PCDHA4: variants seen among roughly 807,000 people sequenced by gnomAD.
The protein encoded by PCDHA4 is protocadherin alpha-4.
A neutral mutation model predicts 61.4 loss-of-function variants in PCDHA4; 49 were observed. The observed-to-expected ratio is 0.80, with a 90% CI of 0.63 to 1.01. The LOEUF (loss-of-function observed/expected upper bound fraction) is 1.01. Among genes scored for constraint, PCDHA4 ranks in the 50% least tolerant of loss-of-function variants. The pLI, the probability that PCDHA4 is intolerant of heterozygous loss-of-function variation, is 0.00. For synonymous variants in PCDHA4, 590 were observed against 550.3 expected (o/e 1.07, Z -1.01); for missense variants, 1,254 against 1,235.8 (o/e 1.01, Z -0.22).
Position 140,931,003 on chromosome 5 carries a change from A to G in PCDHA4, c.2386-47946A>G, listed in dbSNP as rs2087240942. On this transcript the variant is annotated intron_variant, in intron 1 of 3. Coordinates refer to ENST00000530339, the MANE Select transcript of PCDHA4 (RefSeq NM_018907.4). The stretch of plus-strand genomic sequence containing the variant: ...CTTCCTCATGACCTACACTAATAAC[A>G]TAACAGAGGAATTTTCTGATTGTAG... Among the ~76,000 whole-genome samples the G allele has an allele frequency of 2.0e-5, 3 of 152,232 alleles. No homozygotes were observed. The South Asian group carries it at 6.2e-4, about 32-fold the overall frequency.
In PCDHA4 at chr5:140,870,824, G is replaced by A. The variant is rs1296646483; in HGVS notation, c.2385+61252G>A. On this transcript the variant is annotated intron_variant, in intron 1 of 3. Coordinates refer to ENST00000530339, the MANE Select transcript of PCDHA4 (RefSeq NM_018907.4). ...GCGACTCAGGCTGGCAGCGCGGGAG[G>A]CGCAGTTAACAAGCTAGTACCGCGG... 8.7e-6 allele frequency: 14 copies of A among 1,613,638 alleles called. No homozygotes were observed. The East Asian group carries it at 2.9e-4, about 33-fold the overall frequency.
chr5:140,957,983 AG>A (rs1554223250), intron 1 of PCDHA4, among the ~76,000 whole-genome samples: 1 of 152,154 alleles, frequency 6.6e-6, no homozygotes, highest in Non-Finnish European at 1.5e-5. Flanking sequence ...AAATAGAATC[AG>A]TGCCAGATTT....
At chr5:140,837,107 A>G (rs1774915292) in intron 1 of PCDHA4, 1 of 159,760 alleles carries the variant, frequency 6.3e-6, no homozygotes, top group Admixed American at 6.2e-5. Context: ...AATTTAATAT[A>G]TATGTTACCT....
Position 140,821,990 on chromosome 5 carries a change from A to G in PCDHA4, c.2385+12418A>G, listed in dbSNP as rs1006572765. 3.2e-5 allele frequency: 52 copies of G among 1,613,966 alleles called. No homozygotes were observed. Among genetic ancestry groups the G allele is most frequent in the Admixed American group, 3.2e-4 (19 of 59,998 alleles). Reference sequence around the variant, plus strand: ...CGGGTGGCGTCCAAGGGCCGCGGGGACCTTCTGGAGGTAAATCTGCAGAAT... The same window carrying G: ...CGGGTGGCGTCCAAGGGCCGCGGGGGCCTTCTGGAGGTAAATCTGCAGAAT... On this transcript the variant is annotated intron_variant, in intron 1 of 3. Coordinates refer to ENST00000530339, the MANE Select transcript of PCDHA4 (RefSeq NM_018907.4).
At chr5:140,877,258 G>A in intron 1 of PCDHA4, 1 of 1,613,780 alleles carries the variant, frequency 6.2e-7, no homozygotes, top group South Asian at 1.1e-5. Flanking sequence ...GAAAGTGCGC[G>A]CGGTGGACGC....
chr5:140,854,536 A>G (rs930055548), intron 1 of PCDHA4: 6 of 150,026 alleles, frequency 4.0e-5, no homozygotes, highest in African/African-American at 1.5e-4. Context: ...CATTTCTGTC[A>G]GTTTTCTTAT....
At chr5:140,966,659 G>C in intron 1 of PCDHA4, 5 of 1,217,658 alleles carry the variant, frequency 4.1e-6, no homozygotes, top group Non-Finnish European at 5.3e-6. Context: ...AGCGGTGGGG[G>C]AGCAGGCGCA....
rs868958947 is a variant in PCDHA4 at position 140,854,334 on chromosome 5, C to T, written c.2385+44762C>T. On this transcript the variant is annotated intron_variant, in intron 1 of 3. Transcript: ENST00000530339. ...ATTGATCAATGGCAAACTTATTTTA[C>T]GCTCCAGATAGCTAAAACAAACGTT... The T allele has an allele frequency of 4.5e-5, 9 of 198,856 alleles. 1 individual carries two copies. The highest frequency in any genetic ancestry group is 1.9e-4 in the East Asian group (1 of 5,382). The allele number at this position is 198,856 out of a possible 1,614,324, so 12.3% of individuals were successfully genotyped here. A position where few individuals can be genotyped will look rare whatever the true frequency, so the allele number is the denominator to read the frequency against.
chr5:140,942,901 A>T (rs1361297196), intron 1 of PCDHA4, among the ~76,000 whole-genome samples: 1 of 152,094 alleles, frequency 6.6e-6, no homozygotes, highest in East Asian at 1.9e-4. Context: ...TATCTCTAAG[A>T]ATAAGCGTGA....
In PCDHA4 at chr5:140,807,552, A is replaced by G. The variant is rs1310483262; in HGVS notation, c.365A>G (p.Glu122Gly). The change falls in exon 1 of 4, where the codon GAG becomes GGG. Residue 122 changes from glutamate (E) to glycine (G), a missense_variant. Coordinates refer to ENST00000530339, the MANE Select transcript of PCDHA4 (RefSeq NM_018907.4). ...RPLQVFHVDV[E>G]VRDINDNPPV... ...CTGCAGGTTTTCCATGTGGACGTGG[A>G]GGTGAGGGACATTAACGATAACCCG... is the stretch of plus-strand genomic sequence containing the variant. 2 of 1,613,986 alleles carry G rather than the reference A, an allele frequency of 1.2e-6. No homozygotes were observed. The highest frequency in any genetic ancestry group is 1.7e-6 in the Non-Finnish European group (2 of 1,180,018).
chr5:140,961,965 C>T (rs1292120191), intron 1 of PCDHA4, among the ~76,000 whole-genome samples: 9 of 151,536 alleles, frequency 5.9e-5, no homozygotes, highest in Non-Finnish European at 8.8e-5. Context: ...CTCACTGCAA[C>T]CTCCGCCTCC....
chr5:140,829,966 G>A, intron 1 of PCDHA4: 2 of 1,614,002 alleles, frequency 1.2e-6, no homozygotes, highest in Non-Finnish European at 1.7e-6. Flanking sequence ...TTCGCGTGGG[G>A]CTGTACACGG....
intron 3 of PCDHA4, among the ~76,000 whole-genome samples, chr5:140,993,781 A>T (rs1587593339): frequency 6.6e-6 from 1 of 152,216 alleles, no homozygotes; most frequent in African/African-American, 2.4e-5. Flanking sequence ...TATTTTGTAC[A>T]GTAACATGCT....
At chr5:140,810,721 G>T (rs1764719603) in intron 1 of PCDHA4, 3 of 150,392 alleles carry the variant, frequency 2.0e-5, no homozygotes, top group South Asian at 2.1e-4. Flanking sequence ...TCCTTATCTT[G>T]TTTTTCTTAT....
At position 140,842,583 on chromosome 5, in the gene PCDHA4, A is replaced by G. The variant is rs2150339895; in HGVS notation, c.2385+33011A>G. ...CTGGACCGCGAGAGAGTGTCGGCCT[A>G]TGAGTTGGTGGTAACCGCGCGGGAC... On this transcript the variant is annotated intron_variant, in intron 1 of 3. Transcript: ENST00000530339. The G allele has an allele frequency of 3.9e-5, 59 of 1,520,170 alleles. 7 individuals are homozygous for G. The highest frequency in any genetic ancestry group is 5.2e-5 in the Non-Finnish European group (58 of 1,118,060). The allele number at this position is 1,520,170 out of a possible 1,614,324, so 94.2% of individuals were successfully genotyped here.
rs75203598 is a variant in PCDHA4, at chr5:140,915,428, C to T, written c.2386-63521C>T. 8.0e-3 allele frequency among the ~76,000 whole-genome samples: 1,217 copies of T among 152,162 alleles called. 6 individuals are homozygous for T. The highest frequency in any genetic ancestry group is 0.019 in the African/African-American group (786 of 41,514). On this transcript the variant is annotated intron_variant, in intron 1 of 3. Transcript: ENST00000530339. The stretch of plus-strand genomic sequence containing the variant: ...TCTTTGCAGTCTGGGCTTGTTTATC[C>T]CTGTCCTTCTTGAGAAGGTTTTCCA...
intron 1 of PCDHA4, chr5:140,835,577 G>A: frequency 1.9e-6 from 3 of 1,613,890 alleles, no homozygotes; most frequent in Non-Finnish European, 2.5e-6. Flanking sequence ...TCAAGTTGGT[G>A]TCCACCTTCA....
At chr5:140,891,025 T>G (rs1554184622) in intron 1 of PCDHA4, among the ~76,000 whole-genome samples, 1 of 151,814 alleles carries the variant, frequency 6.6e-6, no homozygotes, top group African/African-American at 2.4e-5. Flanking sequence ...TCTGAGGGTA[T>G]AATCTTAGGT....
At chr5:140,815,756 G>A (rs2126666979) in intron 1 of PCDHA4, 2 of 152,190 alleles carry the variant, frequency 1.3e-5, no homozygotes, top group African/African-American at 4.8e-5. Context: ...AACATTTCTT[G>A]TAAGGCAAGT....
Sources: gnomAD v4.1 joint callset for allele counts (sites outside exome capture counted in the v4.1 genomes callset) on GRCh38, gnomAD v4.1.1 for gene constraint, MANE v1.5 for transcripts, NCBI Gene and HGNC (gene_info 2026-07-23, HGNC 2026-07-21) for gene names.